Variants in RBFOX1 observed in about 807,000 individuals in gnomAD.
RBFOX1 encodes RNA binding protein fox-1 homolog 1.
RBFOX1 carries 8 observed loss-of-function variants against 57.7 expected under a neutral mutation model. The ratio of observed to expected loss-of-function variants is 0.14; its 90% CI spans 0.08 to 0.25. The LOEUF (loss-of-function observed/expected upper bound fraction) is 0.25. Among genes scored for constraint, RBFOX1 ranks in the 10% least tolerant of loss-of-function variants. RBFOX1 has a pLI of 1.00. For synonymous variants in RBFOX1, 326 were observed against 222.4 expected (o/e 1.47, Z -4.15); for missense variants, 611 against 548.5 (o/e 1.11, Z -1.14).
At chr16:5,480,063 T>A (rs1287772989) in intron 2 of RBFOX1, among the ~76,000 whole-genome samples, 1 of 152,166 alleles carries the variant, frequency 6.6e-6, no homozygotes, top group Non-Finnish European at 1.5e-5. Context: ...CATCCAGGCT[T>A]GCTGGGCTCC....
intron 2 of RBFOX1, among the ~76,000 whole-genome samples, chr16:6,367,052 C>T (rs1197349618): frequency 6.6e-6 from 1 of 152,162 alleles, no homozygotes; most frequent in Non-Finnish European, 1.5e-5. Context: ...TTCCTCATCC[C>T]ACTTCCGCAG....
intron 3 of RBFOX1, among the ~76,000 whole-genome samples, chr16:6,835,471 G>C (rs2093025331): frequency 6.6e-6 from 1 of 152,066 alleles, no homozygotes; most frequent in South Asian, 2.1e-4. Context: ...CTATCTTCTT[G>C]GCCGGGTGTG....
intron 2 of RBFOX1, among the ~76,000 whole-genome samples, chr16:6,332,575 C>T (rs1335170696): frequency 6.6e-6 from 1 of 152,172 alleles, no homozygotes; most frequent in Non-Finnish European, 1.5e-5. Flanking sequence ...ATAAAATGTT[C>T]ATGTCACAGC....
At chr16:6,705,867 C>T (rs1603447468) in intron 3 of RBFOX1, among the ~76,000 whole-genome samples, 1 of 152,034 alleles carries the variant, frequency 6.6e-6, no homozygotes, top group East Asian at 1.9e-4. Flanking sequence ...AAAATACAAA[C>T]ATTAGCTGGG....
chr16:5,417,349 T>G, intron 1 of RBFOX1, among the ~76,000 whole-genome samples: 1 of 152,182 alleles, frequency 6.6e-6, no homozygotes, highest in East Asian at 1.9e-4. Flanking sequence ...TCTTGACATT[T>G]TAGGTAATTC....
chr16:7,054,835 G>C (rs988920413), intron 4 of RBFOX1, among the ~76,000 whole-genome samples: 2 of 152,144 alleles, frequency 1.3e-5, no homozygotes, highest in Non-Finnish European at 2.9e-5. Context: ...AGTGCATTCT[G>C]TTGTCAGAAT....
chr16:5,951,903 T>C (rs1195389190), intron 4 of RBFOX1, among the ~76,000 whole-genome samples: 1 of 151,788 alleles, frequency 6.6e-6, no homozygotes, highest in Admixed American at 6.6e-5. Flanking sequence ...TATATATACA[T>C]ACTCTCAAGG....
At chr16:5,812,753 C>G (rs991894424) in intron 3 of RBFOX1, among the ~76,000 whole-genome samples, 2 of 152,162 alleles carry the variant, frequency 1.3e-5, no homozygotes, top group South Asian at 2.1e-4. Flanking sequence ...TGATCCACCA[C>G]CTTGCTCGGC....
chr16:5,868,092 C>G (rs548581681), intron 4 of RBFOX1, among the ~76,000 whole-genome samples: 1 of 152,260 alleles, frequency 6.6e-6, no homozygotes, highest in South Asian at 2.1e-4. Context: ...GAATAAAAAA[C>G]GAAGCTGTTC....
At chr16:6,874,533 A>C (rs2153276521) in intron 3 of RBFOX1, among the ~76,000 whole-genome samples, 1 of 150,100 alleles carries the variant, frequency 6.7e-6, no homozygotes, top group African/African-American at 2.5e-5. Flanking sequence ...AAAAAAAAAA[A>C]AAAAATGAAA....
intron 3 of RBFOX1, among the ~76,000 whole-genome samples, chr16:6,838,927 T>A (rs563511752): frequency 6.6e-6 from 1 of 151,828 alleles, no homozygotes; most frequent in African/African-American, 2.4e-5. Context: ...GACTGTGCAC[T>A]GGTTTTTGAT....
intron 2 of RBFOX1, among the ~76,000 whole-genome samples, chr16:5,579,946 T>C (rs922976535): frequency 6.6e-6 from 1 of 152,094 alleles, no homozygotes; most frequent in African/African-American, 2.4e-5. Context: ...TTTTTTTGAA[T>C]TTTTAGTAGA....
At chr16:6,987,116 G>C (rs1189300878) in intron 3 of RBFOX1, among the ~76,000 whole-genome samples, 1 of 152,130 alleles carries the variant, frequency 6.6e-6, no homozygotes, top group Non-Finnish European at 1.5e-5. Flanking sequence ...AGCGTCTTGT[G>C]TGGGTGTAGT....
intron 4 of RBFOX1, among the ~76,000 whole-genome samples, chr16:5,883,045 C>T (rs1175796054): frequency 6.6e-6 from 1 of 152,148 alleles, no homozygotes; most frequent in African/African-American, 2.4e-5. Context: ...ATCTCCTGCT[C>T]AAAGCCTGTA....
chr16:6,443,848 A>C (rs1187561356), intron 2 of RBFOX1, among the ~76,000 whole-genome samples: 1 of 151,844 alleles, frequency 6.6e-6, no homozygotes, highest in Non-Finnish European at 1.5e-5. Context: ...CCATGCACCC[A>C]TCCATCCATC....
intron 4 of RBFOX1, among the ~76,000 whole-genome samples, chr16:7,070,321 A>G (rs1412332705): frequency 6.6e-6 from 1 of 152,178 alleles, no homozygotes; most frequent in Non-Finnish European, 1.5e-5. Flanking sequence ...AACAATATAG[A>G]TGCTTTCCTG....
chr16:7,298,480 G>A (rs77206755), intron 4 of RBFOX1, among the ~76,000 whole-genome samples: 1 of 151,814 alleles, frequency 6.6e-6, no homozygotes, highest in African/African-American at 2.4e-5. Context: ...TTGGTTGAGA[G>A]AGGGTTTCAC....
intron 3 of RBFOX1, among the ~76,000 whole-genome samples, chr16:6,870,287 G>C (rs1044617746): frequency 3.9e-5 from 6 of 152,040 alleles, no homozygotes; most frequent in Non-Finnish European, 7.4e-5. Context: ...GAAAAAATCC[G>C]TGCCTTTTTG....
At chr16:6,589,864 C>G (rs913640336) in intron 2 of RBFOX1, among the ~76,000 whole-genome samples, 1 of 152,200 alleles carries the variant, frequency 6.6e-6, no homozygotes, top group Non-Finnish European at 1.5e-5. Flanking sequence ...GGTCATACCT[C>G]TCTTTCACTG....
Sources: gnomAD v4.1 joint callset for allele counts (sites outside exome capture counted in the v4.1 genomes callset) on GRCh38, gnomAD v4.1.1 for gene constraint, MANE v1.5 for transcripts, NCBI Gene and HGNC (gene_info 2026-07-23, HGNC 2026-07-21) for gene names.